Variants in MTMR12 observed in about 807,000 individuals in gnomAD.
The protein encoded by MTMR12 is myotubularin related protein 12.
Under a neutral mutation model 96.7 loss-of-function variants are expected in MTMR12, and 33 were observed. The observed-to-expected ratio is 0.34, with a 90% CI of 0.26 to 0.46. MTMR12 has a LOEUF of 0.46. MTMR12 is among the 20% of genes least tolerant of loss of function. The pLI is 1.00. For synonymous variants in MTMR12, 298 were observed against 327.2 expected (o/e 0.91, Z 0.96); for missense variants, 721 against 896.1 (o/e 0.80, Z 2.49).
intron 11 of MTMR12, among the ~76,000 whole-genome samples, chr5:32,242,637 G>T (rs1748523747): frequency 6.6e-6 from 1 of 151,464 alleles, no homozygotes; most frequent in African/African-American, 2.4e-5. Flanking sequence ...CTTCACATCT[G>T]TTGTCTTCTG....
chr5:32,292,038 C>G (rs547748516), intron 1 of MTMR12, among the ~76,000 whole-genome samples: 4 of 152,340 alleles, frequency 2.6e-5, no homozygotes, highest in African/African-American at 9.6e-5. Context: ...CCAAGGCACT[C>G]TCTTTGCGGC....
At chr5:32,285,611 A>G (rs1197669573) in intron 1 of MTMR12, among the ~76,000 whole-genome samples, 1 of 152,198 alleles carries the variant, frequency 6.6e-6, no homozygotes, top group East Asian at 1.9e-4. Context: ...GAAACTGGCT[A>G]CATCTGTTCT....
At chr5:32,302,916 C>A (rs1055422299) in intron 1 of MTMR12, among the ~76,000 whole-genome samples, 1 of 152,110 alleles carries the variant, frequency 6.6e-6, no homozygotes, top group Non-Finnish European at 1.5e-5. Flanking sequence ...TTAGAGATAG[C>A]AAAAAATTTT....
At position 32,268,554 on chromosome 5, in the gene MTMR12, A is replaced by C. The variant is rs1462511113; in HGVS notation, c.583+147T>G. 6.7e-5 allele frequency: 36 copies of C among 534,712 alleles called. No homozygotes were observed. The Middle Eastern group carries it at 8.3e-4, about 12-fold the overall frequency. 33.1% of individuals were successfully genotyped at this position (534,712 alleles called of 1,614,324 possible). ...ACAGGAAAGAAAATGTAGATATCTA[A>C]ATGAATCACTCAAGCAAGGGGTGAC... is the stretch of plus-strand genomic sequence containing the variant. On this transcript the variant is annotated intron_variant, in intron 6 of 15. Coordinates refer to ENST00000382142, the MANE Select transcript of MTMR12 (RefSeq NM_001040446.3).
intron 1 of MTMR12, among the ~76,000 whole-genome samples, chr5:32,278,405 G>A (rs1231339403): frequency 2.0e-5 from 3 of 152,118 alleles, no homozygotes; most frequent in South Asian, 2.1e-4. Context: ...TTGGTAGAAG[G>A]CCCTGGGTGG....
chr5:32,287,595 G>A (rs1354466245), intron 1 of MTMR12, among the ~76,000 whole-genome samples: 6 of 152,170 alleles, frequency 3.9e-5, no homozygotes, highest in South Asian at 2.1e-4. Context: ...ACCCTAATAC[G>A]GATTTTGGTA....
At chr5:32,293,062 A>G (rs746866086) in intron 1 of MTMR12, among the ~76,000 whole-genome samples, 6 of 152,142 alleles carry the variant, frequency 3.9e-5, no homozygotes, top group African/African-American at 7.2e-5. Context: ...TGTATGAAGG[A>G]TAGTTGTGTT....
intron 8 of MTMR12, among the ~76,000 whole-genome samples, chr5:32,253,090 TTGGCAATACC>T (rs1204596654): frequency 6.6e-6 from 1 of 152,206 alleles, no homozygotes; most frequent in Non-Finnish European, 1.5e-5. Flanking sequence ...GAGGGGACAT[TTGGCAATACC>T]TGGACATATT....
At chr5:32,251,321 T>C (rs1453374675) in intron 8 of MTMR12, among the ~76,000 whole-genome samples, 3 of 152,122 alleles carry the variant, frequency 2.0e-5, no homozygotes, top group Non-Finnish European at 4.4e-5. Context: ...CCTCTCTTAA[T>C]AGAGTCAAAA....
At chr5:32,232,607 CTCA>C (rs1748041121) in intron 15 of MTMR12, among the ~76,000 whole-genome samples, 1 of 152,240 alleles carries the variant, frequency 6.6e-6, no homozygotes, top group Non-Finnish European at 1.5e-5. Flanking sequence ...CAATCCAGCT[CTCA>C]TGAGAATGTG....
At chr5:32,299,086 C>A (rs182400035) in intron 1 of MTMR12, among the ~76,000 whole-genome samples, 3 of 151,968 alleles carry the variant, frequency 2.0e-5, no homozygotes, top group Non-Finnish European at 4.4e-5. Context: ...TACACACACA[C>A]GCACACACAC....
At chr5:32,232,176 C>T (rs1748023136) in intron 15 of MTMR12, among the ~76,000 whole-genome samples, 1 of 151,534 alleles carries the variant, frequency 6.6e-6, no homozygotes, top group Non-Finnish European at 1.5e-5. Flanking sequence ...GTCCCCCCCA[C>T]CGTGTGGCAT....
At chr5:32,258,719 T>C (rs1561766686) in intron 7 of MTMR12, among the ~76,000 whole-genome samples, 1 of 152,158 alleles carries the variant, frequency 6.6e-6, no homozygotes, top group Non-Finnish European at 1.5e-5. Context: ...TCTCAACCTT[T>C]TCAGGACAGT....
At chr5:32,241,514 C>T (rs1748475502) in intron 12 of MTMR12, among the ~76,000 whole-genome samples, 1 of 152,192 alleles carries the variant, frequency 6.6e-6, no homozygotes, top group African/African-American at 2.4e-5. Flanking sequence ...AATATTTTAG[C>T]TCATATGTAA....
At chr5:32,310,708 G>A (rs1400235461) in intron 1 of MTMR12, among the ~76,000 whole-genome samples, 1 of 152,128 alleles carries the variant, frequency 6.6e-6, no homozygotes, top group African/African-American at 2.4e-5. Flanking sequence ...GTTAGAATAA[G>A]ATCTAGTAAG....
At chr5:32,288,295 T>C (rs1452646672) in intron 1 of MTMR12, among the ~76,000 whole-genome samples, 10 of 152,264 alleles carry the variant, frequency 6.6e-5, no homozygotes, top group East Asian at 3.9e-4. Context: ...TCCCCAGTAG[T>C]GGCAACATCC....
intron 1 of MTMR12, among the ~76,000 whole-genome samples, chr5:32,285,527 T>C (rs182295658): frequency 1.2e-3 from 179 of 152,260 alleles, no homozygotes; most frequent in Middle Eastern, 3.4e-3. Flanking sequence ...TTGTTTATTT[T>C]ATTTTTTAAA....
intron 1 of MTMR12, among the ~76,000 whole-genome samples, chr5:32,280,576 A>G (rs1362895736): frequency 6.6e-6 from 1 of 152,228 alleles, no homozygotes. Context: ...TTTTTTAAGT[A>G]GAAAGTTGTA....
chr5:32,265,543 A>T (rs886378785), intron 6 of MTMR12, among the ~76,000 whole-genome samples: 2 of 152,260 alleles, frequency 1.3e-5, no homozygotes, highest in Non-Finnish European at 2.9e-5. Context: ...GCAATCAACA[A>T]GTCATATTTG....
Sources: allele counts gnomAD v4.1 joint callset (sites outside exome capture counted in the v4.1 genomes callset), GRCh38; gene constraint gnomAD v4.1.1; transcripts MANE v1.5; gene names NCBI Gene and HGNC (gene_info 2026-07-23, HGNC 2026-07-21).